ACACA: variants seen among roughly 807,000 people sequenced by gnomAD.
ACACA encodes the protein acetyl-CoA carboxylase alpha, also known as acetyl-CoA carboxylase 1.
In ACACA, 103 loss-of-function variants were observed where a neutral mutation model predicts 296.1. The observed-to-expected ratio is 0.35, with a 90% confidence interval of 0.30 to 0.41. The LOEUF (loss-of-function observed/expected upper bound fraction) is 0.41. Among genes scored for constraint, ACACA ranks in the 10% least tolerant of loss-of-function variants. The probability of loss-of-function intolerance (pLI) is 1.00; values close to 1 mark genes in which losing one functional copy is unlikely to be tolerated. For synonymous variants in ACACA, 953 were observed against 1,038.6 expected (o/e 0.92, Z 1.58); for missense variants, 1,554 against 2,989.7 (o/e 0.52, Z 11.20).
At chr17:37,404,521 G>A (rs1443632329) in intron 1 of ACACA, among the ~76,000 whole-genome samples, 2 of 151,420 alleles carry the variant, frequency 1.3e-5, no homozygotes, top group African/African-American at 4.9e-5. Context: ...CCAGGCAAAG[G>A]GCAATTTTAA....
chr17:37,330,637 G>A (rs2047833204), intron 2 of ACACA, among the ~76,000 whole-genome samples: 1 of 152,136 alleles, frequency 6.6e-6, no homozygotes, highest in East Asian at 1.9e-4. Flanking sequence ...ATTAAAACCA[G>A]TTCCCTTTTC....
intron 45 of ACACA, chr17:37,144,060 G>C: frequency 1.3e-6 from 1 of 766,404 alleles, no homozygotes; most frequent in South Asian, 1.4e-5. Flanking sequence ...CTTCAGGAGG[G>C]ACGTAGGTTT....
At chr17:37,171,425 G>GA (rs894995983) in intron 41 of ACACA, among the ~76,000 whole-genome samples, 10 of 151,828 alleles carry the variant, frequency 6.6e-5, no homozygotes, top group African/African-American at 2.2e-4. Flanking sequence ...ATCCAAGCAT[G>GA]AAAAAAAGAG....
At chr17:37,398,229 C>CAAAA (rs35921490) in intron 1 of ACACA, among the ~76,000 whole-genome samples, 2 of 65,106 alleles carry the variant, frequency 3.1e-5, no homozygotes, top group African/African-American at 5.3e-5. Context: ...GACTCTGTCT[C>CAAAA]AAAAAAAAAA....
Position 37,205,753 on chromosome 17 carries a change from T to C in ACACA, c.4056+12A>G. The C allele has an allele frequency of 1.2e-6, 2 of 1,605,336 alleles. No individual in the cohort carries two copies. The highest frequency in any genetic ancestry group is 1.7e-6 in the Non-Finnish European group (2 of 1,172,542). On this transcript the variant is annotated intron_variant, in intron 33 of 55. Transcript: ENST00000616317. ...GGGGACATCACGAGCTTCCACCCAA[T>C]CAAGAACTTACATTTTGCTGGGTAA...
chr17:37,177,908 G>A (rs2077179987), intron 41 of ACACA, among the ~76,000 whole-genome samples: 1 of 152,126 alleles, frequency 6.6e-6, no homozygotes, highest in Admixed American at 6.5e-5. Context: ...ATCATCTACT[G>A]TTGGCATCCA....
intron 9 of ACACA, among the ~76,000 whole-genome samples, chr17:37,273,018 A>C (rs2082133723): frequency 6.6e-6 from 1 of 152,206 alleles, no homozygotes; most frequent in Non-Finnish European, 1.5e-5. Flanking sequence ...TTAGTCGATA[A>C]GCAAAATAGC....
intron 42 of ACACA, among the ~76,000 whole-genome samples, chr17:37,161,311 G>C (rs1296748563): frequency 6.6e-6 from 1 of 152,132 alleles, no homozygotes; most frequent in Admixed American, 6.6e-5. Flanking sequence ...AGGCTCAGTG[G>C]TTCAAAAGAA....
At chr17:37,259,600 A>G in intron 11 of ACACA, 70 bp from the exon 12 acceptor site, 1 of 1,533,618 alleles carries the variant, frequency 6.5e-7, no homozygotes, top group Admixed American at 1.7e-5. Flanking sequence ...ACAGCCTCTC[A>G]CTGACTCAAC....
At chr17:37,154,750 G>A (rs2076172339) in intron 43 of ACACA, among the ~76,000 whole-genome samples, 1 of 152,190 alleles carries the variant, frequency 6.6e-6, no homozygotes, top group African/African-American at 2.4e-5. Flanking sequence ...GCCTGCCTCA[G>A]CCTCCCAAAG....
intron 1 of ACACA, among the ~76,000 whole-genome samples, chr17:37,394,615 G>A (rs868278944): frequency 6.7e-6 from 1 of 150,146 alleles, no homozygotes; most frequent in Admixed American, 6.7e-5. Flanking sequence ...GGTGGCTCAC[G>A]CCTGTAACCC....
intron 11 of ACACA, among the ~76,000 whole-genome samples, chr17:37,260,270 ATATATATATATATATATATATATATATTT>A (rs2081404164): frequency 4.5e-5 from 1 of 22,292 alleles, no homozygotes. Flanking sequence ...ATATATATAT[ATATATATATATATATATATATATATATTT>A]TTTTTTTTTT....
intron 3 of ACACA, among the ~76,000 whole-genome samples, chr17:37,316,302 T>TACACACACACACACACACAC (rs10533479): frequency 3.4e-4 from 48 of 142,596 alleles, no homozygotes; most frequent in African/African-American, 1.1e-3. Context: ...TACCCTTACA[T>TACACACACACACACACACAC]ACACACACAC....
chr17:37,390,330 A>ATATATCTATATATATATATC (rs1386032855), intron 1 of ACACA, among the ~76,000 whole-genome samples: 6 of 41,582 alleles, frequency 1.4e-4, no homozygotes, highest in Admixed American at 5.0e-4. Context: ...ATATATATAT[A>ATATATCTATATATATATATC]TATAAAAGGC....
chr17:37,106,236 T>C (rs1179762370), intron 52 of ACACA, among the ~76,000 whole-genome samples: 1 of 152,202 alleles, frequency 6.6e-6, no homozygotes, highest in Non-Finnish European at 1.5e-5. Context: ...AAAAACTGCG[T>C]AAATCAGATC....
At chr17:37,226,085 A>T (rs545887618) in intron 26 of ACACA, among the ~76,000 whole-genome samples, 1 of 152,230 alleles carries the variant, frequency 6.6e-6, no homozygotes, top group Non-Finnish European at 1.5e-5. Flanking sequence ...CAGGGCTACT[A>T]GGGAGGGAAG....
rs1269768523 is a variant in ACACA at position 37,390,241 on chromosome 17, ATTATATATATAT to A, written c.38+16009_38+16020del. Among the ~76,000 whole-genome samples, 25 of 49,498 alleles carry A rather than the reference ATTATATATATAT, an allele frequency of 5.1e-4. 6 individuals are homozygous for A. Among genetic ancestry groups the A allele is most frequent in the African/African-American group, 3.1e-3 (23 of 7,426 alleles). 32.5% of individuals were successfully genotyped at this position (49,498 alleles called of 152,430 possible). On this transcript the variant is annotated intron_variant, in intron 1 of 55. Transcript: ENST00000616317. ...TATTATATATAATTATATATAATAT[ATTATATATATAT>A]TATATATAATTATATATAATATATT...
intron 36 of ACACA, among the ~76,000 whole-genome samples, chr17:37,192,828 T>C (rs1368795498): frequency 6.6e-6 from 1 of 152,168 alleles, no homozygotes; most frequent in Non-Finnish European, 1.5e-5. Flanking sequence ...TCCATAGATA[T>C]ATAATTACTT....
intron 33 of ACACA, among the ~76,000 whole-genome samples, chr17:37,200,979 A>G (rs1248770158): frequency 1.3e-5 from 2 of 152,238 alleles, no homozygotes; most frequent in African/African-American, 4.8e-5. Flanking sequence ...AATTCAGTCT[A>G]ACAAATTGTA....
Sources: gnomAD v4.1 joint callset for allele counts (sites outside exome capture counted in the v4.1 genomes callset) on GRCh38, gnomAD v4.1.1 for gene constraint, MANE v1.5 for transcripts, NCBI Gene and HGNC (gene_info 2026-07-23, HGNC 2026-07-21) for gene names.